TAF3: variants seen among roughly 807,000 people sequenced by gnomAD.
TAF3 encodes the protein transcription initiation factor TFIID subunit 3.
A neutral mutation model predicts 80.6 loss-of-function variants in TAF3; 7 were observed. The ratio of observed to expected loss-of-function variants is 0.09; its 90% confidence interval spans 0.05 to 0.16. TAF3 has a LOEUF of 0.16. Among genes scored for constraint, TAF3 ranks in the 10% least tolerant of loss-of-function variants. TAF3 has a pLI of 1.00. For missense variants in TAF3, 921 were observed against 1,140.2 expected, an observed-to-expected ratio of 0.81 and a Z score of 2.77; for synonymous variants, 444 against 446.1, an observed-to-expected ratio of 1.00 and a Z score of 0.06.
chr10:7,982,754 C>G (rs569341651), intron 4 of TAF3, among the ~76,000 whole-genome samples: 1 of 152,208 alleles, frequency 6.6e-6, no homozygotes, highest in East Asian at 1.9e-4. Flanking sequence ...GAGAGTTTTT[C>G]AAGGCAGTAA....
chr10:7,920,078 T>G (rs920756104), intron 2 of TAF3, among the ~76,000 whole-genome samples: 3 of 151,910 alleles, frequency 2.0e-5, no homozygotes, highest in Admixed American at 2.0e-4. Flanking sequence ...AGACCCATTC[T>G]ACAGAAAATA....
intron 2 of TAF3, among the ~76,000 whole-genome samples, chr10:7,851,441 G>C (rs1467226988): frequency 6.6e-6 from 1 of 152,328 alleles, no homozygotes; most frequent in African/African-American, 2.4e-5. Context: ...ATCATGGCAG[G>C]CCTTGTGGCA....
rs894369011 is a variant in TAF3 at position 7,914,958 on chromosome 10, T to G, written c.410-48962T>G. Among the ~76,000 whole-genome samples, 348 of 55,716 alleles carry G rather than the reference T, an allele frequency of 6.2e-3. 2 individuals carry two copies. Among genetic ancestry groups the G allele is most frequent in the South Asian group, 0.027 (41 of 1,536 alleles). 36.6% of individuals were successfully genotyped at this position (55,716 alleles called of 152,430 possible). A position where few individuals can be genotyped will look rare whatever the true frequency, so the allele number is the denominator to read the frequency against. ...TTTTTTTTTTTTTTTTTTTTTTTTT[T>G]GAGACAGAGTCTTGCTCTGTCGCCC... On this transcript the variant is annotated intron_variant, in intron 2 of 6. Transcript: ENST00000344293.
intron 2 of TAF3, among the ~76,000 whole-genome samples, chr10:7,921,002 G>A (rs375230157): frequency 2.0e-5 from 3 of 152,064 alleles, no homozygotes; most frequent in African/African-American, 7.2e-5. Flanking sequence ...TATTAGTGGC[G>A]TTCTGTTTGA....
chr10:7,947,396 C>A (rs1838035853), intron 2 of TAF3, among the ~76,000 whole-genome samples: 1 of 152,350 alleles, frequency 6.6e-6, no homozygotes, highest in African/African-American at 2.4e-5. Flanking sequence ...TTCCTTCCAG[C>A]ATGAAGCTTA....
intron 1 of TAF3, 135 bp downstream of exon 1, chr10:7,819,010 A>G (rs1836660974): frequency 3.2e-6 from 3 of 925,974 alleles, no homozygotes; most frequent in African/African-American, 1.7e-5. Flanking sequence ...TCGGCCTCCC[A>G]CGTCCCTGGG....
intron 2 of TAF3, among the ~76,000 whole-genome samples, chr10:7,873,617 T>TCC (rs76357762): frequency 0.06 from 5,447 of 91,472 alleles, 568 homozygotes; most frequent in African/African-American, 0.078. Flanking sequence ...ATCCGAGTTC[T>TCC]CCCCCCCCCC....
rs535757478 is a variant in TAF3, at chr10:7,996,468, G to T, written c.2316-12610G>T. On this transcript the variant is annotated intron_variant, in intron 4 of 6. Coordinates refer to ENST00000344293, the MANE Select transcript of TAF3 (RefSeq NM_031923.4). ...GAGGGAACTGTGCCAGTGTGTGAATGCCAGGAGGCCAACCACCACACTTGG... is the reference window on the plus strand; with the variant it reads ...GAGGGAACTGTGCCAGTGTGTGAATTCCAGGAGGCCAACCACCACACTTGG... 1.6e-4 allele frequency among the ~76,000 whole-genome samples: 25 copies of T among 152,334 alleles called. No individual in the cohort carries two copies. In the South Asian group the frequency reaches 4.4e-3, roughly 27 times the overall value.
intron 2 of TAF3, among the ~76,000 whole-genome samples, chr10:7,842,170 T>TTG (rs1836924359): frequency 2.1e-5 from 2 of 96,290 alleles, no homozygotes; most frequent in African/African-American, 7.8e-5. Context: ...TTTTGTTTTT[T>TTG]TTTTTGTTTT....
At chr10:7,913,102 C>G (rs1837672667) in intron 2 of TAF3, among the ~76,000 whole-genome samples, 1 of 152,148 alleles carries the variant, frequency 6.6e-6, no homozygotes, top group Non-Finnish European at 1.5e-5. Flanking sequence ...GCACACACGC[C>G]CGTGATGTCT....
rs927893902 is a variant in TAF3 at position 7,852,679 on chromosome 10, G to A, written c.409+28119G>A. Among the ~76,000 whole-genome samples the A allele has an allele frequency of 1.3e-4, 20 of 152,204 alleles. 1 individual carries two copies. Among genetic ancestry groups the A allele is most frequent in the African/African-American group, 7.2e-5 (3 of 41,464 alleles). ...ACATAATATCAACATAATATCATTT[G>A]TGAATGTGTGGGTGTGATTTTAGCA... On this transcript the variant is annotated intron_variant, in intron 2 of 6. Coordinates refer to ENST00000344293, the MANE Select transcript of TAF3 (RefSeq NM_031923.4).
At chr10:7,901,769 A>G (rs916900236) in intron 2 of TAF3, among the ~76,000 whole-genome samples, 1 of 152,250 alleles carries the variant, frequency 6.6e-6, no homozygotes, top group African/African-American at 2.4e-5. Flanking sequence ...TATTAAAAGC[A>G]CTTTACAGCT....
chr10:7,939,909 A>T (rs1837961404), intron 2 of TAF3, among the ~76,000 whole-genome samples: 1 of 152,232 alleles, frequency 6.6e-6, no homozygotes, highest in Non-Finnish European at 1.5e-5. Context: ...GAAATTATCA[A>T]AGAAATAACA....
At chr10:7,913,439 A>G (rs1019235471) in intron 2 of TAF3, among the ~76,000 whole-genome samples, 1 of 152,218 alleles carries the variant, frequency 6.6e-6, no homozygotes, top group Non-Finnish European at 1.5e-5. Flanking sequence ...CCCTTTTCTC[A>G]TAAGTAATAG....
intron 2 of TAF3, among the ~76,000 whole-genome samples, chr10:7,896,338 TG>T (rs1837504041): frequency 6.6e-6 from 1 of 152,186 alleles, no homozygotes; most frequent in Admixed American, 6.5e-5. Context: ...TGGGGATGGT[TG>T]TAAGTTCTAA....
chr10:7,828,989 C>T lies in TAF3; in HGVS notation c.409+4429C>T, dbSNP rs1285763312. ...AGGTTGCAGTCAGCCGAGATCGTGC[C>T]ACTGCACTCCAGCCTGGGTGACAGA... On this transcript the variant is annotated intron_variant, in intron 2 of 6. Coordinates refer to ENST00000344293, the MANE Select transcript of TAF3 (RefSeq NM_031923.4). Among the ~76,000 whole-genome samples the T allele has an allele frequency of 7.0e-5, 10 of 142,310 alleles. No individual in the cohort carries two copies. The East Asian group carries it at 2.1e-3, about 29-fold the overall frequency. 93.4% of individuals were successfully genotyped at this position (142,310 alleles called of 152,430 possible). A position where few individuals can be genotyped will look rare whatever the true frequency, so the allele number is the denominator to read the frequency against.
Position 7,965,669 on chromosome 10 carries a change from A to G in TAF3, c.2159A>G (p.Glu720Gly), listed in dbSNP as rs1242426962. ...AAGGAAAAAGAGAAGGAGAAGAAGG[A>G]GAAGGAAAGAGAGAAAGAGAAGAGA... Reference protein sequence around the residue: ...KKKEKEKEKKEKEREKEKRER... With the variant: ...KKKEKEKEKKGKEREKEKRER... The change falls in exon 3 of 7, where the codon GAG becomes GGG. Residue 720 changes from glutamate to glycine, a missense_variant. Transcript: ENST00000344293. 2 of 1,588,274 alleles carry G rather than the reference A, an allele frequency of 1.3e-6. No individual in the cohort carries two copies. Among genetic ancestry groups the G allele is most frequent in the African/African-American group, 1.4e-5 (1 of 73,150 alleles).
At chr10:7,904,423 A>T (rs1330744182) in intron 2 of TAF3, among the ~76,000 whole-genome samples, 1 of 152,210 alleles carries the variant, frequency 6.6e-6, no homozygotes, top group Non-Finnish European at 1.5e-5. Flanking sequence ...TGTTAATGCC[A>T]TGAGAAAGAC....
At chr10:7,912,075 TA>T (rs1311034445) in intron 2 of TAF3, among the ~76,000 whole-genome samples, 1 of 152,242 alleles carries the variant, frequency 6.6e-6, no homozygotes, top group Non-Finnish European at 1.5e-5. Context: ...GTTTGGGAGA[TA>T]TTTTTTATGT....
Sources: gnomAD v4.1 joint callset for allele counts (sites outside exome capture counted in the v4.1 genomes callset) on GRCh38, gnomAD v4.1.1 for gene constraint, MANE v1.5 for transcripts, NCBI Gene and HGNC (gene_info 2026-07-23, HGNC 2026-07-21) for gene names.